The following KCNQ2 variants were observed in gnomAD, a reference collection of about 807,000 sequenced individuals.
KCNQ2 encodes potassium voltage-gated channel subfamily KQT member 2.
A neutral mutation model predicts 84.8 loss-of-function variants in KCNQ2; 14 were observed. The observed-to-expected ratio is 0.17, with a 90% CI of 0.11 to 0.26. The LOEUF (loss-of-function observed/expected upper bound fraction) is 0.26, where lower values mean the gene tolerates loss of function less well. Ranked by LOEUF, KCNQ2 falls within the 10% of genes least tolerant of loss-of-function variation. The pLI is 1.00. For synonymous variants in KCNQ2, 599 were observed against 554.1 expected, an observed-to-expected ratio of 1.08 and a Z score of -1.14; for missense variants, 788 against 1,254.0, an observed-to-expected ratio of 0.63 and a Z score of 5.61.
Position 63,400,762 on chromosome 20 carries a change from G to A in KCNQ2, c.*5882C>T, listed in dbSNP as rs983144680. On this transcript the variant is annotated 3_prime_UTR_variant, in exon 17 of 17. Coordinates refer to ENST00000359125, the MANE Select transcript of KCNQ2 (RefSeq NM_172107.4). The surrounding 1 kb of genome is among the most constrained non-coding windows in gnomAD (Gnocchi z 8.7). ...CCCGGGCAGAGGGATGGCGTCCAGC[G>A]GGACCACCAGCTCTGGGCGCCTCAG... 4 of 398,104 alleles carry A rather than the reference G, an allele frequency of 1.0e-5. No individual in the cohort carries two copies. The highest frequency in any genetic ancestry group is 6.2e-4 in the Middle Eastern group (1 of 1,610). The allele number at this position is 398,104 out of a possible 1,614,324, so 24.7% of individuals were successfully genotyped here.
rs2079787589 is a variant in KCNQ2 at position 63,400,525 on chromosome 20, G to C, written c.*6119C>G. On this transcript the variant is annotated 3_prime_UTR_variant, in exon 17 of 17. Transcript: ENST00000359125. The surrounding 1 kb of genome is among the most constrained non-coding windows in gnomAD (Gnocchi z 8.7). The stretch of plus-strand genomic sequence containing the variant: ...AACACATCCACCAAAAAAAGGCCTG[G>C]TCACTACGGCACAAGGACACATACA... The C allele has an allele frequency of 2.5e-6, 1 of 397,816 alleles. No homozygotes were observed. The highest frequency in any genetic ancestry group is 4.4e-6 in the Non-Finnish European group (1 of 225,946). The allele number at this position is 397,816 out of a possible 1,614,324, so 24.6% of individuals were successfully genotyped here. A position where few individuals can be genotyped will look rare whatever the true frequency, so the allele number is the denominator to read the frequency against.
At chr20:63,440,816 G>A (rs1200230419) in intron 5 of KCNQ2, among the ~76,000 whole-genome samples, 13 of 152,056 alleles carry the variant, frequency 8.5e-5, no homozygotes, top group Admixed American at 4.6e-4. Flanking sequence ...ACCACCACGC[G>A]GAGCGCACAG....
chr20:63,401,734 C>A lies in KCNQ2; in HGVS notation c.*4910G>T. On this transcript the variant is annotated 3_prime_UTR_variant, in exon 17 of 17. Coordinates refer to ENST00000359125, the MANE Select transcript of KCNQ2 (RefSeq NM_172107.4). Reference sequence around the variant, plus strand: ...CAGGATCAGAGGACACTGGGGGCACCCGTGCACTGAGCACCCACCCCTCAG... The same window carrying A: ...CAGGATCAGAGGACACTGGGGGCACACGTGCACTGAGCACCCACCCCTCAG... 5.0e-6 allele frequency: 1 copy of A among 198,188 alleles called. No homozygotes were observed. 12.3% of individuals were successfully genotyped at this position (198,188 alleles called of 1,614,324 possible).
At chr20:63,434,249 C>T (rs957849577) in intron 7 of KCNQ2, 5 of 305,690 alleles carry the variant, frequency 1.6e-5, no homozygotes, top group South Asian at 8.5e-5. Flanking sequence ...CTGGGGGTTA[C>T]CTTCCTGACC....
intron 1 of KCNQ2, among the ~76,000 whole-genome samples, chr20:63,456,379 C>G (rs531766403): frequency 6.6e-6 from 1 of 152,228 alleles, no homozygotes; most frequent in Non-Finnish European, 1.5e-5. Flanking sequence ...CCAGCCCCCT[C>G]GCTCTGCGAC....
chr20:63,454,755 G>C (rs2081726311), intron 1 of KCNQ2, among the ~76,000 whole-genome samples: 1 of 152,240 alleles, frequency 6.6e-6, no homozygotes, highest in Admixed American at 6.5e-5. Context: ...GGAGACCCCT[G>C]ATGGCATCCC....
intron 7 of KCNQ2, among the ~76,000 whole-genome samples, chr20:63,436,357 C>T (rs1049405075): frequency 9.9e-5 from 15 of 152,116 alleles, no homozygotes; most frequent in African/African-American, 3.1e-4. Flanking sequence ...CGGTGAAACC[C>T]CGTCTCTACT....
intron 15 of KCNQ2, chr20:63,411,046 C>T: frequency 2.2e-6 from 1 of 455,958 alleles, no homozygotes; most frequent in Non-Finnish European, 4.4e-6. Flanking sequence ...TGGAGCTGGG[C>T]CGCACCTCTG....
chr20:63,455,800 A>AC (rs561955749), intron 1 of KCNQ2, among the ~76,000 whole-genome samples: 45 of 74,180 alleles, frequency 6.1e-4, no homozygotes, highest in African/African-American at 2.1e-3. Context: ...GTGCTCACGG[A>AC]CCCCCCACCT....
At chr20:63,421,430 C>T (rs2080467285) in intron 11 of KCNQ2, among the ~76,000 whole-genome samples, 1 of 152,332 alleles carries the variant, frequency 6.6e-6, no homozygotes, top group Non-Finnish European at 1.5e-5. Context: ...CCCCCAAGAC[C>T]CCCAAAGCTT....
intron 12 of KCNQ2, among the ~76,000 whole-genome samples, chr20:63,418,805 C>G (rs1026022413): frequency 7.9e-5 from 12 of 152,198 alleles, no homozygotes; most frequent in African/African-American, 2.9e-4. Context: ...GGCATGGAGT[C>G]GCGGGCCCCC....
chr20:63,431,809 A>G (rs929162415), intron 8 of KCNQ2, among the ~76,000 whole-genome samples: 1 of 152,076 alleles, frequency 6.6e-6, no homozygotes, highest in South Asian at 2.1e-4. Flanking sequence ...CCTGGGCCCC[A>G]CCCCAGCTTA....
In KCNQ2 at chr20:63,445,503, C is replaced by CCTCCAAAGGG. The variant is rs11473292; in HGVS notation, c.388-140_388-139insCCCTTTGGAG. 242 of 857,412 alleles carry CCTCCAAAGGG rather than the reference C, an allele frequency of 2.8e-4. 5 individuals carry two copies. In the South Asian group the frequency reaches 4.0e-3, roughly 14 times the overall value. The allele number at this position is 857,412 out of a possible 1,614,324, so 53.1% of individuals were successfully genotyped here. A position where few individuals can be genotyped will look rare whatever the true frequency, so the allele number is the denominator to read the frequency against. On this transcript the variant is annotated intron_variant, in intron 2 of 16. Transcript: ENST00000359125. ...CCCCCAAAGGAAACTGCAAGCTGAC[C>CCTCCAAAGGG]CCCCCACCCCTCTCCAGCCTCTGGG...
intron 10 of KCNQ2, among the ~76,000 whole-genome samples, chr20:63,428,076 C>A (rs1312049773): frequency 6.6e-6 from 1 of 152,216 alleles, no homozygotes; most frequent in African/African-American, 2.4e-5. Context: ...GTCGTACGAC[C>A]CACGCGCCTG....
chr20:63,466,224 C>T (rs544087786), intron 1 of KCNQ2, among the ~76,000 whole-genome samples: 4 of 152,150 alleles, frequency 2.6e-5, no homozygotes, highest in Admixed American at 6.5e-5. Flanking sequence ...CGGTCCCACA[C>T]GACAAACAGG....
At position 63,413,608 on chromosome 20, in the gene KCNQ2, G is replaced by C. The variant is rs775728567; in HGVS notation, c.1632-27C>G. On this transcript the variant is annotated intron_variant, in intron 14 of 16. Transcript: ENST00000359125. ...TGCAGGGGGGTGGGTGGGGCTGTGAGCCCTGGGCCAGAGACCCCCGGCCAC... is the reference window on the plus strand; with the variant it reads ...TGCAGGGGGGTGGGTGGGGCTGTGACCCCTGGGCCAGAGACCCCCGGCCAC... 1.2e-5 allele frequency: 20 copies of C among 1,609,198 alleles called. No individual in the cohort carries two copies. In the South Asian group the frequency reaches 2.2e-4, roughly 18 times the overall value.
At chr20:63,436,583 C>A (rs1330476897) in intron 7 of KCNQ2, among the ~76,000 whole-genome samples, 5 of 151,992 alleles carry the variant, frequency 3.3e-5, no homozygotes, top group African/African-American at 1.2e-4. Context: ...CCCACCTCAT[C>A]AGCAGTGGCC....
chr20:63,462,520 C>G (rs2081983611), intron 1 of KCNQ2, among the ~76,000 whole-genome samples: 1 of 152,216 alleles, frequency 6.6e-6, no homozygotes, highest in Non-Finnish European at 1.5e-5. Flanking sequence ...CCTCCTCTCC[C>G]TGCACACACC....
intron 1 of KCNQ2, among the ~76,000 whole-genome samples, chr20:63,447,112 A>C (rs1172498279): frequency 6.5e-5 from 9 of 139,022 alleles, no homozygotes; most frequent in Non-Finnish European, 7.8e-5. Flanking sequence ...CCCCCTCTCC[A>C]CTCTGGCCCC....
Sources: allele counts gnomAD v4.1 joint callset (sites outside exome capture counted in the v4.1 genomes callset), GRCh38; gene constraint gnomAD v4.1.1; non-coding constraint Gnocchi (gnomAD v3.1); transcripts MANE v1.5; gene names NCBI Gene and HGNC (gene_info 2026-07-23, HGNC 2026-07-21).